APBA1: variants seen among roughly 807,000 people sequenced by gnomAD.
APBA1 encodes amyloid-beta A4 precursor protein-binding family A member 1.
APBA1 carries 55 observed loss-of-function variants against 86.6 expected under a neutral mutation model. That is an observed-to-expected ratio of 0.64 (90% CI 0.51 to 0.80). The LOEUF (loss-of-function observed/expected upper bound fraction) is 0.80, where lower values mean the gene tolerates loss of function less well. Among genes scored for constraint, APBA1 ranks in the 30% least tolerant of loss-of-function variants. The pLI, the probability that APBA1 is intolerant of heterozygous loss-of-function variation, is 0.00. For synonymous variants in APBA1, 511 were observed against 493.9 expected, an observed-to-expected ratio of 1.03 and a Z score of -0.46; for missense variants, 1,090 against 1,183.0, an observed-to-expected ratio of 0.92 and a Z score of 1.15.
At chr9:69,481,418 A>G (rs1397576092) in intron 2 of APBA1, among the ~76,000 whole-genome samples, 20 of 152,002 alleles carry the variant, frequency 1.3e-4, no homozygotes, top group Admixed American at 6.5e-4. Context: ...TACAAGGGAT[A>G]TGAAGGACCT....
At chr9:69,512,212 A>G (rs1277286827) in intron 2 of APBA1, among the ~76,000 whole-genome samples, 1 of 152,174 alleles carries the variant, frequency 6.6e-6, no homozygotes, top group Non-Finnish European at 1.5e-5. Context: ...TCCTTACTAG[A>G]AGAAAATCAC....
chr9:69,628,807 T>C (rs1156888732), intron 1 of APBA1, among the ~76,000 whole-genome samples: 1 of 152,204 alleles, frequency 6.6e-6, no homozygotes, highest in African/African-American at 2.4e-5. Context: ...CATCTTCCTA[T>C]AAATCATGTT....
rs758896028 is a variant in APBA1 at position 69,432,652 on chromosome 9, T to C, written c.2326A>G (p.Ile776Val). The change falls in exon 12 of 13, where the codon ATA becomes GTA. Residue 776 changes from isoleucine to valine, a missense_variant. Physicochemically the swap from Ile to Val is conservative, Grantham distance 29. Coordinates refer to ENST00000265381, the MANE Select transcript of APBA1 (RefSeq NM_001163.4). ...ACACGGACGCCTCCTCTCTCAGCTA[T>C]TCCCCCTCGCATGAGGCTGCAGATC... ...GIICSLMRGG[I>V]AERGGVRVGH... is the part of the protein sequence containing the mutation. 6.3e-7 allele frequency: 1 copy of C among 1,598,354 alleles called. No individual in the cohort carries two copies. The highest frequency in any genetic ancestry group is 1.1e-5 in the South Asian group (1 of 88,782).
At chr9:69,591,986 C>G (rs899036055) in intron 1 of APBA1, among the ~76,000 whole-genome samples, 4 of 152,218 alleles carry the variant, frequency 2.6e-5, no homozygotes, top group Admixed American at 6.5e-5. Flanking sequence ...CAAACCAGGT[C>G]TTCAAGACAT....
chr9:69,625,642 A>T (rs899426618), intron 1 of APBA1, among the ~76,000 whole-genome samples: 1 of 152,196 alleles, frequency 6.6e-6, no homozygotes, highest in African/African-American at 2.4e-5. Context: ...CAATTAGTTT[A>T]AATCACTGTC....
chr9:69,541,769 A>T (rs1306383553), intron 1 of APBA1, among the ~76,000 whole-genome samples: 1 of 152,156 alleles, frequency 6.6e-6, no homozygotes. Context: ...CAATAAAAAG[A>T]GTAAATACAC....
intron 2 of APBA1, among the ~76,000 whole-genome samples, chr9:69,499,666 C>A (rs35828153): frequency 0.38 from 54,872 of 142,982 alleles, 11,332 homozygotes; most frequent in Non-Finnish European, 0.47. Flanking sequence ...AGCAACGGTC[C>A]AAAAAAAAAA....
intron 1 of APBA1, among the ~76,000 whole-genome samples, chr9:69,531,789 C>T (rs1836437543): frequency 6.6e-6 from 1 of 152,122 alleles, no homozygotes; most frequent in African/African-American, 2.4e-5. Context: ...GGAAAGAGAA[C>T]CCTAGGAACT....
At chr9:69,662,683 T>A (rs577449561) in intron 1 of APBA1, among the ~76,000 whole-genome samples, 6 of 152,260 alleles carry the variant, frequency 3.9e-5, no homozygotes, top group African/African-American at 1.4e-4. Flanking sequence ...AAATTTAGAA[T>A]TAAGTAATTT....
chr9:69,664,284 T>C (rs1278887047), intron 1 of APBA1, among the ~76,000 whole-genome samples: 1 of 152,212 alleles, frequency 6.6e-6, no homozygotes, highest in Non-Finnish European at 1.5e-5. Context: ...TTACAATTGC[T>C]TGTCTTGGAT....
Position 69,517,148 on chromosome 9 carries a change from C to T in APBA1, c.63G>A (p.Val21=). The T allele has an allele frequency of 6.4e-7, 1 of 1,563,226 alleles. No homozygotes were observed. The highest frequency in any genetic ancestry group is 8.7e-7 in the Non-Finnish European group (1 of 1,155,968). ...EVTDEAAGGE[V]NESVEADLEH... ...CCAGGTCGGCCTCCACCGACTCGTT[C>T]ACCTCCCCACCTGCCGCCTCGTCGG... The change falls in exon 2 of 13, where the codon GTG becomes GTA. Residue 21 remains valine, a synonymous_variant. Coordinates refer to ENST00000265381, the MANE Select transcript of APBA1 (RefSeq NM_001163.4).
At chr9:69,589,378 G>T (rs568387178) in intron 1 of APBA1, among the ~76,000 whole-genome samples, 1 of 152,186 alleles carries the variant, frequency 6.6e-6, no homozygotes, top group African/African-American at 2.4e-5. Flanking sequence ...GCTAGGCCCA[G>T]ACAGAGAAGG....
chr9:69,653,841 C>A (rs1178490458), intron 1 of APBA1, among the ~76,000 whole-genome samples: 1 of 152,160 alleles, frequency 6.6e-6, no homozygotes, highest in Admixed American at 6.5e-5. Flanking sequence ...GGTGTGGTGG[C>A]TCACACCTGT....
Position 69,516,246 on chromosome 9 carries a change from T to G in APBA1, c.965A>C (p.Gln322Pro). 1 of 1,393,398 alleles carries G rather than the reference T, an allele frequency of 7.2e-7. No individual in the cohort carries two copies. The highest frequency in any genetic ancestry group is 1.6e-5 in the South Asian group (1 of 62,584). 86.3% of individuals were successfully genotyped at this position (1,393,398 alleles called of 1,614,324 possible). A position where few individuals can be genotyped will look rare whatever the true frequency, so the allele number is the denominator to read the frequency against. ...DSPGLQAPAG[Q>P]QRAVGPAGGG... ...GCCCGCGGGGCCCACCGCCCGCTGC[T>G]GCCCCGCCGGCGCCTGCAGCCCGGG... is the stretch of plus-strand genomic sequence containing the variant. The change falls in exon 2 of 13, where the codon CAG (glutamine) becomes CCG (proline). Residue 322 changes from glutamine to proline, a missense_variant. Around this residue, in one of 6 missense-constraint regions of APBA1, gnomAD observed 678 missense variants for 647.1 expected, o/e 1.05. Transcript: ENST00000265381. This position sits in a 1 kb window ranked among gnomAD's most constrained non-coding sequence, Gnocchi z 7.3.
rs181114753 is a variant in APBA1 at position 69,645,631 on chromosome 9, A to G, written c.-70+26522T>C. On this transcript the variant is annotated intron_variant, in intron 1 of 12. Transcript: ENST00000265381. ...GCACGGAGGCGGACTGGGAGCTTAC[A>G]TTATGAAAGGGAGGGGGGAGCTCGT... 5.1e-3 allele frequency among the ~76,000 whole-genome samples: 770 copies of G among 152,284 alleles called. 12 individuals are homozygous for G. Among genetic ancestry groups the G allele is most frequent in the African/African-American group, 0.017 (725 of 41,548 alleles).
intron 5 of APBA1, among the ~76,000 whole-genome samples, chr9:69,465,732 G>C (rs998792944): frequency 2.0e-5 from 3 of 152,214 alleles, no homozygotes; most frequent in Non-Finnish European, 4.4e-5. Flanking sequence ...TGGGAGCCAT[G>C]GGGCAAGACA....
intron 1 of APBA1, among the ~76,000 whole-genome samples, chr9:69,571,487 C>A (rs2133948348): frequency 6.6e-6 from 1 of 152,200 alleles, no homozygotes; most frequent in East Asian, 1.9e-4. Flanking sequence ...ATATATGACT[C>A]TAATTTTTGA....
chr9:69,594,058 G>A (rs985087763), intron 1 of APBA1, among the ~76,000 whole-genome samples: 2 of 152,148 alleles, frequency 1.3e-5, no homozygotes. Flanking sequence ...ACAAGTCTTG[G>A]CTCTTTCCTC....
intron 1 of APBA1, among the ~76,000 whole-genome samples, chr9:69,659,529 A>G (rs947212153): frequency 1.3e-5 from 2 of 152,068 alleles, no homozygotes; most frequent in African/African-American, 4.8e-5. Flanking sequence ...ACATCACCCC[A>G]TCGCCTCTGC....
Sources: allele counts gnomAD v4.1 joint callset (sites outside exome capture counted in the v4.1 genomes callset), GRCh38; gene constraint gnomAD v4.1.1; regional missense constraint gnomAD v4.1.1; non-coding constraint Gnocchi (gnomAD v3.1); transcripts MANE v1.5; gene names NCBI Gene and HGNC (gene_info 2026-07-23, HGNC 2026-07-21).